Variants in CNTNAP2 observed in about 807,000 individuals in gnomAD.
CNTNAP2 encodes the protein contactin-associated protein-like 2.
CNTNAP2 carries 98 observed loss-of-function variants against 155.2 expected under a neutral mutation model. The ratio of observed to expected loss-of-function variants is 0.63; its 90% confidence interval spans 0.54 to 0.75. The LOEUF (loss-of-function observed/expected upper bound fraction) is 0.75. CNTNAP2 is among the 30% of genes least tolerant of loss of function. The probability of loss-of-function intolerance (pLI) is 0.00; values close to 1 mark genes in which losing one functional copy is unlikely to be tolerated. For missense variants in CNTNAP2, 1,727 were observed against 1,688.1 expected (o/e 1.02, Z -0.40); for synonymous variants, 651 against 631.2 (o/e 1.03, Z -0.47).
At chr7:147,397,770 A>ATTT (rs10646575) in intron 10 of CNTNAP2, among the ~76,000 whole-genome samples, 192 of 145,970 alleles carry the variant, frequency 1.3e-3, no homozygotes, top group South Asian at 3.9e-3. Flanking sequence ...GATACACAAA[A>ATTT]TTTTTTTTTT....
chr7:147,213,467 G>A lies in CNTNAP2; in HGVS notation c.1348+80958G>A, dbSNP rs138937574. Among the ~76,000 whole-genome samples the A allele has an allele frequency of 4.9e-3, 750 of 151,832 alleles. 10 individuals carry two copies. Among genetic ancestry groups the A allele is most frequent in the Middle Eastern group, 0.037 (11 of 294 alleles). On this transcript the variant is annotated intron_variant, in intron 8 of 23. Transcript: ENST00000361727. Reference sequence around the variant, plus strand: ...ACATCAAACTAACCATAACACCAAGGAAATCATGTTAGTATTATTGCAAAG... The same window carrying A: ...ACATCAAACTAACCATAACACCAAGAAAATCATGTTAGTATTATTGCAAAG...
At chr7:148,091,471 A>G (rs1283933159) in intron 15 of CNTNAP2, among the ~76,000 whole-genome samples, 4 of 152,206 alleles carry the variant, frequency 2.6e-5, no homozygotes, top group African/African-American at 9.6e-5. Context: ...AGTAAGGATG[A>G]AGCTACCTGA....
At chr7:148,149,348 G>C (rs1199449900) in intron 17 of CNTNAP2, among the ~76,000 whole-genome samples, 1 of 152,086 alleles carries the variant, frequency 6.6e-6, no homozygotes, top group Non-Finnish European at 1.5e-5. Flanking sequence ...CTTAAGAAAA[G>C]AGCAAGGGCC....
intron 1 of CNTNAP2, among the ~76,000 whole-genome samples, chr7:146,642,807 C>T (rs1325947766): frequency 6.6e-6 from 1 of 151,680 alleles, no homozygotes; most frequent in Non-Finnish European, 1.5e-5. Flanking sequence ...TCTCCACATC[C>T]TCTCCAGCAC....
At chr7:146,619,732 T>C (rs1799286940) in intron 1 of CNTNAP2, among the ~76,000 whole-genome samples, 1 of 152,166 alleles carries the variant, frequency 6.6e-6, no homozygotes. Flanking sequence ...GCATTTTATA[T>C]GTCCTCAAAA....
At chr7:148,266,458 C>T (rs769375294) in intron 20 of CNTNAP2, among the ~76,000 whole-genome samples, 2 of 152,180 alleles carry the variant, frequency 1.3e-5, no homozygotes, top group South Asian at 2.1e-4. Flanking sequence ...TGGTTACTGT[C>T]TGTGCACCGT....
At chr7:146,978,258 G>C (rs546097063) in intron 3 of CNTNAP2, among the ~76,000 whole-genome samples, 14 of 152,248 alleles carry the variant, frequency 9.2e-5, no homozygotes, top group African/African-American at 3.1e-4. Flanking sequence ...TGCCATTTCA[G>C]CATCTCACTG....
At chr7:147,968,189 G>A (rs1801258086) in intron 14 of CNTNAP2, among the ~76,000 whole-genome samples, 2 of 152,134 alleles carry the variant, frequency 1.3e-5, no homozygotes, top group South Asian at 4.1e-4. Context: ...TTGCTTTCCA[G>A]AAAGGCAAAT....
In CNTNAP2 at chr7:148,321,485, C is replaced by T. The variant is rs950889038; in HGVS notation, c.3475+54359C>T. Among the ~76,000 whole-genome samples the T allele has an allele frequency of 2.0e-5, 3 of 152,290 alleles. No homozygotes were observed. The South Asian group carries it at 6.2e-4, about 32-fold the overall frequency. ...AGAAGAAGACGGTTTTGCAACCTAGCACACCATCTGGGTCAGATTTATCAA... is the reference window on the plus strand; with the variant it reads ...AGAAGAAGACGGTTTTGCAACCTAGTACACCATCTGGGTCAGATTTATCAA... On this transcript the variant is annotated intron_variant, in intron 21 of 23. Coordinates refer to ENST00000361727, the MANE Select transcript of CNTNAP2 (RefSeq NM_014141.6).
chr7:148,068,753 G>A (rs900360536), intron 15 of CNTNAP2, among the ~76,000 whole-genome samples: 1 of 152,110 alleles, frequency 6.6e-6, no homozygotes, highest in Admixed American at 6.6e-5. Context: ...ACTCAGACTG[G>A]TGGGAACATG....
At chr7:147,974,563 T>C (rs1801393475) in intron 14 of CNTNAP2, among the ~76,000 whole-genome samples, 1 of 152,104 alleles carries the variant, frequency 6.6e-6, no homozygotes, top group Non-Finnish European at 1.5e-5. Flanking sequence ...AGGTGGAGGT[T>C]GCAGTGAGTC....
At chr7:146,693,713 A>C (rs529783136) in intron 1 of CNTNAP2, among the ~76,000 whole-genome samples, 1 of 152,290 alleles carries the variant, frequency 6.6e-6, no homozygotes, top group East Asian at 1.9e-4. Context: ...TTAAGATTGA[A>C]AAGCAGTGTA....
intron 21 of CNTNAP2, among the ~76,000 whole-genome samples, chr7:148,364,763 A>C (rs1231702281): frequency 6.6e-6 from 1 of 152,216 alleles, no homozygotes; most frequent in Non-Finnish European, 1.5e-5. Context: ...GGGTGGGGCC[A>C]GATAAGAGAA....
At position 148,267,048 on chromosome 7, in the gene CNTNAP2, T is replaced by C. The variant is rs375153570; in HGVS notation, c.3397T>C (p.Ser1133Pro). Residue 1133 changes from serine (S) to proline (P), a missense_variant, in exon 21 of 24, where the codon TCT becomes CCT. By Grantham distance (74) the Ser-to-Pro change is moderately conservative. Coordinates refer to ENST00000361727, the MANE Select transcript of CNTNAP2 (RefSeq NM_014141.6). ...CCTCCTGCAGCTCGATCATTATCCTTCTGTGAGTTACCATCTGCCAAGTTC... is the reference window on the plus strand; with the variant it reads ...CCTCCTGCAGCTCGATCATTATCCTCCTGTGAGTTACCATCTGCCAAGTTC... ...TIFLKLDHYP[S>P]VSYHLPSSSD... 4.3e-6 allele frequency: 7 copies of C among 1,614,056 alleles called. No homozygotes were observed. Among genetic ancestry groups the C allele is most frequent in the Non-Finnish European group, 5.9e-6 (7 of 1,180,018 alleles).
At chr7:148,123,301 T>C (rs976421598) in intron 16 of CNTNAP2, among the ~76,000 whole-genome samples, 3 of 152,148 alleles carry the variant, frequency 2.0e-5, no homozygotes, top group Admixed American at 6.5e-5. Context: ...GTCATCCCAG[T>C]ACTTTGGGAG....
At chr7:148,391,680 T>C (rs1799353651) in intron 22 of CNTNAP2, among the ~76,000 whole-genome samples, 1 of 152,208 alleles carries the variant, frequency 6.6e-6, no homozygotes. Flanking sequence ...AATTATGGAC[T>C]CTGTTGTGTT....
At chr7:146,935,584 C>A (rs1021581548) in intron 3 of CNTNAP2, among the ~76,000 whole-genome samples, 5 of 152,102 alleles carry the variant, frequency 3.3e-5, no homozygotes, top group African/African-American at 1.2e-4. Context: ...GAAATGTATC[C>A]CTCATGATAA....
At chr7:146,886,954 G>A (rs962947689) in intron 3 of CNTNAP2, among the ~76,000 whole-genome samples, 5 of 151,602 alleles carry the variant, frequency 3.3e-5, no homozygotes, top group Admixed American at 2.6e-4. Context: ...CTGCTGCTCA[G>A]TGGATCATAG....
At chr7:147,214,528 G>C (rs747563460) in intron 8 of CNTNAP2, among the ~76,000 whole-genome samples, 1 of 152,040 alleles carries the variant, frequency 6.6e-6, no homozygotes, top group Non-Finnish European at 1.5e-5. Context: ...ATGATTAATT[G>C]AAATTATTAT....
Sources: allele counts gnomAD v4.1 joint callset (sites outside exome capture counted in the v4.1 genomes callset), GRCh38; gene constraint gnomAD v4.1.1; transcripts MANE v1.5; gene names NCBI Gene and HGNC (gene_info 2026-07-23, HGNC 2026-07-21).